Variants in CADM2 observed in about 807,000 individuals in gnomAD.
CADM2 encodes immunoglobulin superfamily member 4D.
CADM2 carries 12 observed loss-of-function variants against 49.8 expected under a neutral mutation model. The ratio of observed to expected loss-of-function variants is 0.24; its 90% CI spans 0.15 to 0.39. The LOEUF (loss-of-function observed/expected upper bound fraction) is 0.39. Among genes scored for constraint, CADM2 ranks in the 10% least tolerant of loss-of-function variants. The probability of loss-of-function intolerance (pLI) is 1.00; values close to 1 mark genes in which losing one functional copy is unlikely to be tolerated. For missense variants in CADM2, 378 were observed against 492.3 expected, an observed-to-expected ratio of 0.77 and a Z score of 2.20; for synonymous variants, 214 against 175.4, an observed-to-expected ratio of 1.22 and a Z score of -1.74.
At chr3:85,115,374 T>C (rs1446294061) in intron 1 of CADM2, among the ~76,000 whole-genome samples, 3 of 152,330 alleles carry the variant, frequency 2.0e-5, no homozygotes, top group Admixed American at 2.0e-4. Context: ...ACATTAAAAG[T>C]AGAAAGTTCA....
chr3:85,300,154 G>T (rs115266184), intron 1 of CADM2, among the ~76,000 whole-genome samples: 2 of 151,944 alleles, frequency 1.3e-5, no homozygotes, highest in Non-Finnish European at 2.9e-5. Context: ...TTTTATCCAC[G>T]CACTTTCCAT....
At chr3:86,022,205 C>G (rs1733282133) in intron 8 of CADM2, among the ~76,000 whole-genome samples, 1 of 152,090 alleles carries the variant, frequency 6.6e-6, no homozygotes, top group Non-Finnish European at 1.5e-5. Flanking sequence ...ATTATAAATA[C>G]ACATACACAC....
chr3:85,997,448 T>G (rs1729566097), intron 8 of CADM2, among the ~76,000 whole-genome samples: 1 of 152,204 alleles, frequency 6.6e-6, no homozygotes, highest in African/African-American at 2.4e-5. Context: ...TGTTTTATTT[T>G]AAAACTTTTC....
chr3:85,126,256 T>C (rs2039028889), intron 1 of CADM2, among the ~76,000 whole-genome samples: 1 of 152,128 alleles, frequency 6.6e-6, no homozygotes, highest in South Asian at 2.1e-4. Flanking sequence ...TTTTTTGAAT[T>C]TAAAATAATT....
chr3:85,112,925 A>G (rs1279810073), intron 1 of CADM2, among the ~76,000 whole-genome samples: 1 of 151,772 alleles, frequency 6.6e-6, no homozygotes, highest in African/African-American at 2.4e-5. Context: ...CATTTATCAT[A>G]TATTTTATAT....
rs746557777 is a variant in CADM2 at position 85,952,368 on chromosome 3, T to C, written c.792-9101T>C. Among the ~76,000 whole-genome samples, 109 of 151,168 alleles carry C rather than the reference T, an allele frequency of 7.2e-4. 1 individual carries two copies. The highest frequency in any genetic ancestry group is 7.9e-4 in the Non-Finnish European group (53 of 67,320). On this transcript the variant is annotated intron_variant, in intron 7 of 9. Transcript: ENST00000383699. ...TAAGATGTTCAATGATGTGCTCTTT[T>C]GTTTTCTTTCTTTAGCTTGGAAACA... is the stretch of plus-strand genomic sequence containing the variant.
chr3:85,837,009 T>C (rs1322187551), intron 3 of CADM2, among the ~76,000 whole-genome samples: 2 of 151,588 alleles, frequency 1.3e-5, no homozygotes, highest in East Asian at 3.9e-4. Flanking sequence ...GTTGTAAAAA[T>C]GAAGATCTCA....
In CADM2 at chr3:85,070,622, A is replaced by G. The variant is rs539189530; in HGVS notation, c.61+110954A>G. ...AAAGAAAGTTAAATAGAACAAAAAA[A>G]GGAACTATGCTACTTCCTGTAACTG... On this transcript the variant is annotated intron_variant, in intron 1 of 9. Transcript: ENST00000383699. Among the ~76,000 whole-genome samples the G allele has an allele frequency of 2.6e-5, 4 of 152,320 alleles. No individual in the cohort carries two copies. The East Asian group carries it at 7.7e-4, about 29-fold the overall frequency.
chr3:85,431,412 T>C (rs923165847), intron 1 of CADM2, among the ~76,000 whole-genome samples: 4 of 152,150 alleles, frequency 2.6e-5, no homozygotes, highest in African/African-American at 9.7e-5. Context: ...TTACAGAAAC[T>C]AAATCTCCTG....
At chr3:86,009,988 TC>T in intron 8 of CADM2, among the ~76,000 whole-genome samples, 1 of 152,026 alleles carries the variant, frequency 6.6e-6, no homozygotes, top group East Asian at 1.9e-4. Context: ...TTGTTGATTG[TC>T]TTGGTGAAAT....
intron 1 of CADM2, among the ~76,000 whole-genome samples, chr3:85,720,532 T>A (rs2067462161): frequency 6.6e-6 from 1 of 152,206 alleles, no homozygotes; most frequent in Non-Finnish European, 1.5e-5. Context: ...TGTTTCTTTC[T>A]AAAACATTTT....
At chr3:85,693,785 A>G (rs937801335) in intron 1 of CADM2, among the ~76,000 whole-genome samples, 13 of 148,568 alleles carry the variant, frequency 8.8e-5, no homozygotes, top group Non-Finnish European at 1.9e-4. Flanking sequence ...ACTCCTAGCT[A>G]CTCGGGAGGC....
intron 8 of CADM2, chr3:86,014,800 A>C (rs1360352000): frequency 3.4e-6 from 5 of 1,484,430 alleles, no homozygotes; most frequent in Non-Finnish European, 1.8e-6. Context: ...AGGAGGAAAG[A>C]TATAGAGCTT....
At chr3:85,436,244 A>T (rs761685057) in intron 1 of CADM2, among the ~76,000 whole-genome samples, 1 of 152,092 alleles carries the variant, frequency 6.6e-6, no homozygotes, top group Non-Finnish European at 1.5e-5. Flanking sequence ...GGTGTATAGG[A>T]ATGCTTGAGA....
chr3:85,259,019 C>G lies in CADM2; in HGVS notation c.61+299351C>G, dbSNP rs546854921. On this transcript the variant is annotated intron_variant, in intron 1 of 9. Coordinates refer to ENST00000383699, the MANE Select transcript of CADM2 (RefSeq NM_001167675.2). ...AAACTTTCTATTCAATGAGGACTGG[C>G]GTAAAGAAAGCATTTCTAGTCATTC... is the stretch of plus-strand genomic sequence containing the variant. Among the ~76,000 whole-genome samples the G allele has an allele frequency of 3.9e-5, 6 of 152,196 alleles. 1 individual carries two copies. The South Asian group carries it at 1.2e-3, about 32-fold the overall frequency.
rs147896540 is a variant in CADM2, at chr3:85,883,365, C to T, written c.313C>T (p.Leu105Phe). ...ELSISVSDVSLSDEGQYTCSL... is the reference protein window; with the variant it reads ...ELSISVSDVSFSDEGQYTCSL... The stretch of plus-strand genomic sequence containing the variant: ...GAGTATTAGTGTCAGTGATGTGTCT[C>T]TCTCTGATGAAGGACAGTACACCTG... The change falls in exon 4 of 10, where the codon CTC becomes TTC. Residue 105 changes from leucine to phenylalanine, a missense_variant. Transcript: ENST00000383699. 13 of 1,613,356 alleles carry T rather than the reference C, an allele frequency of 8.1e-6. No individual in the cohort carries two copies. The highest frequency in any genetic ancestry group is 1.3e-5 in the African/African-American group (1 of 74,896).
At chr3:86,025,841 CT>C (rs1214840371) in intron 8 of CADM2, among the ~76,000 whole-genome samples, 1 of 152,000 alleles carries the variant, frequency 6.6e-6, no homozygotes, top group Non-Finnish European at 1.5e-5. Context: ...GAAAAAAATA[CT>C]TACTTGTTCC....
intron 1 of CADM2, among the ~76,000 whole-genome samples, chr3:85,506,938 CTTAAG>C (rs1307565897): frequency 6.6e-6 from 1 of 151,992 alleles, no homozygotes; most frequent in Non-Finnish European, 1.5e-5. Flanking sequence ...TATTCTAACA[CTTAAG>C]TTATTTACTT....
chr3:85,480,922 A>G (rs1015149292), intron 1 of CADM2, among the ~76,000 whole-genome samples: 2 of 151,774 alleles, frequency 1.3e-5, no homozygotes, highest in Non-Finnish European at 2.9e-5. Context: ...TCTTAAGAAT[A>G]TTTATATGAA....
Sources: gnomAD v4.1 joint callset for allele counts (sites outside exome capture counted in the v4.1 genomes callset) on GRCh38, gnomAD v4.1.1 for gene constraint, MANE v1.5 for transcripts, NCBI Gene and HGNC (gene_info 2026-07-23, HGNC 2026-07-21) for gene names.